DBN1: variants seen among roughly 807,000 people sequenced by gnomAD.
DBN1 encodes the protein drebrin 1.
Under a neutral mutation model 83.5 loss-of-function variants are expected in DBN1, and 21 were observed. The ratio of observed to expected loss-of-function variants is 0.25; its 90% CI spans 0.18 to 0.36. DBN1 has a LOEUF of 0.36. DBN1 is among the 10% of genes least tolerant of loss of function. DBN1 has a pLI of 1.00. For synonymous variants in DBN1, 381 were observed against 384.9 expected, an observed-to-expected ratio of 0.99 and a Z score of 0.12; for missense variants, 874 against 935.7, an observed-to-expected ratio of 0.93 and a Z score of 0.86.
Position 177,457,215 on chromosome 5 carries a change from G to A in DBN1, c.*218C>T. 1 of 574,354 alleles carries A rather than the reference G, an allele frequency of 1.7e-6. No individual in the cohort carries two copies. The highest frequency in any genetic ancestry group is 3.1e-6 in the Non-Finnish European group (1 of 322,126). 35.6% of individuals were successfully genotyped at this position (574,354 alleles called of 1,614,324 possible). ...TCAACTACCAACGAGAGGAAAGCCA[G>A]TCAACTGTACAAGTCTCCTATCAAC... On this transcript the variant is annotated 3_prime_UTR_variant, in exon 15 of 15. Transcript: ENST00000393565.
In DBN1 at chr5:177,462,316, T is replaced by C. The variant is rs914936326; in HGVS notation, c.772-1613A>G. 6.1e-6 allele frequency: 6 copies of C among 985,396 alleles called. No homozygotes were observed. In the Admixed American group the frequency reaches 2.5e-4, roughly 40 times the overall value. The allele number at this position is 985,396 out of a possible 1,614,324, so 61.0% of individuals were successfully genotyped here. On this transcript the variant is annotated intron_variant, in intron 8 of 14. Coordinates refer to ENST00000393565, the MANE Select transcript of DBN1 (RefSeq NM_001363541.2). ...CCGTTCCCACCTCCAAGCCTCAGCA[T>C]GGGAGACTGGCCTCCCTCCCAAATG...
chr5:177,472,562 C>G (rs1413959325), intron 1 of DBN1, among the ~76,000 whole-genome samples: 2 of 152,118 alleles, frequency 1.3e-5, no homozygotes, highest in Non-Finnish European at 2.9e-5. Flanking sequence ...GGGTGAGGGG[C>G]GGCCCAGCTC....
chr5:177,460,358 TGA>T (rs945477079), intron 10 of DBN1, 72 bp downstream of exon 10: 28 of 1,605,724 alleles, frequency 1.7e-5, no homozygotes, highest in African/African-American at 6.7e-5. Context: ...GCCTCCCTTC[TGA>T]GAGAGTCCCA....
intron 11 of DBN1, 144 bp from the exon 12 acceptor site, chr5:177,459,412 C>A (rs750463326): frequency 3.5e-5 from 49 of 1,417,464 alleles, no homozygotes; most frequent in Non-Finnish European, 4.1e-5. Context: ...GGCCAGACTA[C>A]AGCTCCAGAC....
In DBN1 at chr5:177,460,516, T is replaced by G; in HGVS notation, c.871A>C (p.Arg291=). The G allele has an allele frequency of 1.9e-6, 3 of 1,614,186 alleles. No homozygotes were observed. Among genetic ancestry groups the G allele is most frequent in the Non-Finnish European group, 2.5e-6 (3 of 1,180,020 alleles). Residue 291 remains arginine, a synonymous_variant, in exon 10 of 15, where the codon AGG becomes CGG. Coordinates refer to ENST00000393565, the MANE Select transcript of DBN1 (RefSeq NM_001363541.2). The stretch of plus-strand genomic sequence containing the variant: ...CTTTCCTGCTGCTTGAAGAACTCCC[T>G]TGGGTTGTCAGGCCGCTGGGCAATA... The part of the protein sequence containing the change: ...AIIAQRPDNP[R]EFFKQQERVA...
At position 177,466,710 on chromosome 5, in the gene DBN1, G is replaced by A. The variant is rs1757463560; in HGVS notation, c.771+62C>T. On this transcript the variant is annotated intron_variant, in intron 8 of 14. Coordinates refer to ENST00000393565, the MANE Select transcript of DBN1 (RefSeq NM_001363541.2). This position sits in a 1 kb window ranked among gnomAD's most constrained non-coding sequence, Gnocchi z 4.8. ...CCACTGATCTCCCCACAAGGCCCAGGAACACAGGGACCATTCTCACTTCCC... is the reference window on the plus strand; with the variant it reads ...CCACTGATCTCCCCACAAGGCCCAGAAACACAGGGACCATTCTCACTTCCC... The A allele has an allele frequency of 6.3e-7, 1 of 1,581,162 alleles. No individual in the cohort carries two copies. The highest frequency in any genetic ancestry group is 1.3e-5 in the African/African-American group (1 of 74,192).
Position 177,466,961 on chromosome 5 carries a change from C to T in DBN1, c.657G>A (p.Glu219=). 1 of 1,613,082 alleles carries T rather than the reference C, an allele frequency of 6.2e-7. No individual in the cohort carries two copies. The change falls in exon 7 of 15, where the codon GAG becomes GAA. Residue 219 remains glutamate, a synonymous_variant. Coordinates refer to ENST00000393565, the MANE Select transcript of DBN1 (RefSeq NM_001363541.2). The surrounding 1 kb of genome is among the most constrained non-coding windows in gnomAD (Gnocchi z 4.8). ...ERMEQERQEQ[E]ERERRYRERE... ...GCTCCCGGTAGCGCCGCTCGCGCTC[C>T]TCTTGCTCCTGCCGCTCCTGCTCCA...
At chr5:177,462,470 C>T in intron 8 of DBN1, 1 of 922,988 alleles carries the variant, frequency 1.1e-6, no homozygotes, top group Non-Finnish European at 1.3e-6. Flanking sequence ...ACAGGGTGCT[C>T]CTGGCTTCCA....
At position 177,460,486 on chromosome 5, in the gene DBN1, C is replaced by A. The variant is rs758879413; in HGVS notation, c.901G>T (p.Ala301Ser). 6.2e-7 allele frequency: 1 copy of A among 1,614,088 alleles called. No homozygotes were observed. The highest frequency in any genetic ancestry group is 1.1e-5 in the South Asian group (1 of 91,082). ...REFFKQQERV[A>S]SASAGSCDVP... ...TCACAGCTGCCCGCAGAGGCCGATG[C>A]GACTCTTTCCTGCTGCTTGAAGAAC... is the stretch of plus-strand genomic sequence containing the variant. The change falls in exon 10 of 15, where the codon GCA (alanine) becomes TCA (serine). Residue 301 changes from alanine to serine, a missense_variant. Physicochemically the swap from Ala to Ser is moderately conservative, Grantham distance 99 (BLOSUM62 1). This residue lies in a region of DBN1 where 725 missense variants were observed against 719.7 expected (regional missense o/e 1.01). Coordinates refer to ENST00000393565, the MANE Select transcript of DBN1 (RefSeq NM_001363541.2).
At position 177,467,165 on chromosome 5, in the gene DBN1, A is replaced by T; in HGVS notation, c.555+90T>A. 6.2e-7 allele frequency: 1 copy of T among 1,602,684 alleles called. No individual in the cohort carries two copies. The highest frequency in any genetic ancestry group is 8.5e-7 in the Non-Finnish European group (1 of 1,170,798). On this transcript the variant is annotated intron_variant, in intron 6 of 14. Coordinates refer to ENST00000393565, the MANE Select transcript of DBN1 (RefSeq NM_001363541.2). The surrounding 1 kb of genome is among the most constrained non-coding windows in gnomAD (Gnocchi z 9.1). ...CAGCGCTGGGGGCGGGGCACGTGGCATGGGCCATGCCACTGCAGTGAGGGA... is the reference window on the plus strand; with the variant it reads ...CAGCGCTGGGGGCGGGGCACGTGGCTTGGGCCATGCCACTGCAGTGAGGGA...
At chr5:177,458,770 C>T in intron 12 of DBN1, 63 bp from the exon 13 acceptor site, 1 of 1,386,600 alleles carries the variant, frequency 7.2e-7, no homozygotes, top group Non-Finnish European at 9.5e-7. Context: ...GGAGACCCTG[C>T]CCACCCACTA....
intron 1 of DBN1, chr5:177,472,768 G>C (rs1561691771): frequency 1.0e-6 from 1 of 989,340 alleles, no homozygotes; most frequent in East Asian, 1.1e-4. Flanking sequence ...TAGGGGAGGA[G>C]AGCTCACCCC....
chr5:177,466,178 G>T lies in DBN1; in HGVS notation c.771+594C>A, dbSNP rs1315021466. ...TGAGTATCAACCCACCTCCCTTCCT[G>T]AACTGAGCCATGCTCAGTCCTGAAT... On this transcript the variant is annotated intron_variant, in intron 8 of 14. Coordinates refer to ENST00000393565, the MANE Select transcript of DBN1 (RefSeq NM_001363541.2). The surrounding 1 kb of genome is among the most constrained non-coding windows in gnomAD (Gnocchi z 4.8). Among the ~76,000 whole-genome samples, 2 of 152,120 alleles carry T rather than the reference G, an allele frequency of 1.3e-5. No individual in the cohort carries two copies. Among genetic ancestry groups the T allele is most frequent in the Non-Finnish European group, 2.9e-5 (2 of 68,032 alleles).
intron 1 of DBN1, chr5:177,472,381 C>A: frequency 1.4e-6 from 2 of 1,468,434 alleles, no homozygotes; most frequent in Non-Finnish European, 1.8e-6. Context: ...GGCCTAGGAA[C>A]CAGATGGGCA....
Position 177,473,435 on chromosome 5 carries a change from C to A in DBN1, c.86+1G>T. On this transcript the variant is annotated splice_donor_variant, in intron 1 of 14. Coordinates refer to ENST00000393565, the MANE Select transcript of DBN1 (RefSeq NM_001363541.2). LOFTEE classifies it high-confidence loss of function. ...GCCGGGGGCGGGGGCGGGGGGCTCA[C>A]CAGTCGGCCGCGCTCTCCTCTCGGA... The A allele has an allele frequency of 7.1e-7, 1 of 1,414,062 alleles. No individual in the cohort carries two copies. Among genetic ancestry groups the A allele is most frequent in the South Asian group, 1.4e-5 (1 of 72,378 alleles). The allele number at this position is 1,414,062 out of a possible 1,614,324, so 87.6% of individuals were successfully genotyped here. A position where few individuals can be genotyped will look rare whatever the true frequency, so the allele number is the denominator to read the frequency against.
intron 1 of DBN1, among the ~76,000 whole-genome samples, chr5:177,471,870 C>A (rs940996578): frequency 2.6e-5 from 4 of 152,038 alleles, no homozygotes; most frequent in Non-Finnish European, 5.9e-5. Flanking sequence ...GCCACCAGAG[C>A]TCTGCTTTTA....
intron 10 of DBN1, among the ~76,000 whole-genome samples, chr5:177,459,982 A>AG (rs1281793294): frequency 2.6e-5 from 4 of 152,198 alleles, no homozygotes. Context: ...AAGCACACTC[A>AG]GACCAGCAGA....
Position 177,458,165 on chromosome 5 carries a change from G to A in DBN1, c.1807C>T (p.Pro603Ser), listed in dbSNP as rs1756697666. 3.7e-6 allele frequency: 6 copies of A among 1,612,820 alleles called. No individual in the cohort carries two copies. The highest frequency in any genetic ancestry group is 1.1e-5 in the South Asian group (1 of 91,076). ...EEVEGESLAA[P>S]QTPTLPSALE... ...GCTGAGGGCAGAGTTGGGGTCTGGG[G>A]GGCAGCCAGGGACTCCCCTTCCACT... The change falls in exon 13 of 15, where the codon CCC becomes TCC. Residue 603 changes from proline to serine, a missense_variant. Coordinates refer to ENST00000393565, the MANE Select transcript of DBN1 (RefSeq NM_001363541.2).
chr5:177,469,338 G>A (rs138665615), intron 1 of DBN1, among the ~76,000 whole-genome samples: 2 of 152,122 alleles, frequency 1.3e-5, no homozygotes, highest in East Asian at 3.9e-4. Flanking sequence ...GGGAGGAGGA[G>A]AAGAGAGAAC....
Sources: allele counts gnomAD v4.1 joint callset (sites outside exome capture counted in the v4.1 genomes callset), GRCh38; gene constraint gnomAD v4.1.1; regional missense constraint gnomAD v4.1.1; non-coding constraint Gnocchi (gnomAD v3.1); transcripts MANE v1.5; gene names NCBI Gene and HGNC (gene_info 2026-07-23, HGNC 2026-07-21).